The following GTF3C3 variants were observed in gnomAD, a reference collection of about 807,000 sequenced individuals.
GTF3C3 encodes general transcription factor IIIC subunit 3.
A neutral mutation model predicts 105.2 loss-of-function variants in GTF3C3; 75 were observed. The ratio of observed to expected loss-of-function variants is 0.71; its 90% CI spans 0.59 to 0.86. The LOEUF (loss-of-function observed/expected upper bound fraction) is 0.86, where lower values mean the gene tolerates loss of function less well. Among genes scored for constraint, GTF3C3 ranks in the 40% least tolerant of loss-of-function variants. The pLI is 0.00. For missense variants in GTF3C3, 856 were observed against 1,076.5 expected (o/e 0.80, Z 2.87); for synonymous variants, 335 against 370.4 (o/e 0.90, Z 1.10).
chr2:196,773,518 G>A (rs1350225614), intron 13 of GTF3C3, among the ~76,000 whole-genome samples: 3 of 152,114 alleles, frequency 2.0e-5, no homozygotes, highest in African/African-American at 7.2e-5. Flanking sequence ...AACCTTTTTG[G>A]CACCAAGGAC....
chr2:196,796,192 T>TG (rs1005185973), intron 2 of GTF3C3, among the ~76,000 whole-genome samples: 1 of 152,218 alleles, frequency 6.6e-6, no homozygotes, highest in African/African-American at 2.4e-5. Context: ...GGTAGAGTTC[T>TG]GGGACAATTC....
At chr2:196,795,922 G>A (rs1699634985) in intron 2 of GTF3C3, among the ~76,000 whole-genome samples, 1 of 152,198 alleles carries the variant, frequency 6.6e-6, no homozygotes, top group African/African-American at 2.4e-5. Flanking sequence ...GAATAATTTA[G>A]CAAGGTTGCT....
Position 196,785,520 on chromosome 2 carries a change from T to C in GTF3C3, c.962A>G (p.Gln321Arg). ...AACATCTTCCATGGAGACTAGGCCC[T>C]GGTGTTTTGAGAAAGCTTCATCAAT... is the stretch of plus-strand genomic sequence containing the variant. ...NIIDEAFSKH[Q>R]GLVSMEDVNI... is the part of the protein sequence containing the mutation. The change falls in exon 7 of 18, where the codon CAG (glutamine) becomes CGG (arginine). Residue 321 changes from glutamine (Q) to arginine (R), a missense_variant. Transcript: ENST00000263956. 6.2e-7 allele frequency: 1 copy of C among 1,605,962 alleles called. No individual in the cohort carries two copies. The highest frequency in any genetic ancestry group is 8.5e-7 in the Non-Finnish European group (1 of 1,173,048).
chr2:196,787,579 C>T (rs1423125259), intron 6 of GTF3C3, among the ~76,000 whole-genome samples: 1 of 152,114 alleles, frequency 6.6e-6, no homozygotes, highest in Non-Finnish European at 1.5e-5. Flanking sequence ...GTCAGTATGA[C>T]CATAATACAG....
rs1699439593 is a variant in GTF3C3, at chr2:196,785,490, A to G, written c.992T>C (p.Ile331Thr). The change falls in exon 7 of 18, where the codon ATA (isoleucine) becomes ACA (threonine). Residue 331 changes from isoleucine to threonine, a missense_variant. Physicochemically the swap from Ile to Thr is moderately conservative, Grantham distance 89. Around this residue, in one of 3 missense-constraint regions of GTF3C3, gnomAD observed 605 missense variants for 833.6 expected, o/e 0.73. Coordinates refer to ENST00000263956, the MANE Select transcript of GTF3C3 (RefSeq NM_012086.5). ...QGLVSMEDVN[I>T]AAELYISNKQ... Reference sequence around the variant, plus strand: ...GTTAGAAATATATAGTTCAGCTGCTATGTTAACATCTTCCATGGAGACTAG... The same window carrying G: ...GTTAGAAATATATAGTTCAGCTGCTGTGTTAACATCTTCCATGGAGACTAG... 3 of 1,610,436 alleles carry G rather than the reference A, an allele frequency of 1.9e-6. No homozygotes were observed. Among genetic ancestry groups the G allele is most frequent in the African/African-American group, 1.3e-5 (1 of 74,806 alleles).
intron 6 of GTF3C3, among the ~76,000 whole-genome samples, chr2:196,788,261 T>G (rs1699486321): frequency 6.6e-6 from 1 of 152,248 alleles, no homozygotes. Context: ...ATAAAGGCCA[T>G]GGAATTAATA....
chr2:196,786,239 G>A lies in GTF3C3; in HGVS notation c.894-651C>T, dbSNP rs80156140. 0.1 allele frequency among the ~76,000 whole-genome samples: 15,213 copies of A among 152,020 alleles called. 917 individuals carry two copies. Among genetic ancestry groups the A allele is most frequent in the Middle Eastern group, 0.17 (49 of 294 alleles). On this transcript the variant is annotated intron_variant, in intron 6 of 17. Transcript: ENST00000263956. The surrounding 1 kb of genome is among the most constrained non-coding windows in gnomAD (Gnocchi z 4.2). ...GGCTATCTTGTAAAAACGCATATTC[G>A]GATCCAGTAGAGCTGGGGCAGGCCT... is the stretch of plus-strand genomic sequence containing the variant.
chr2:196,779,122 A>C, intron 9 of GTF3C3, 55 bp from the exon 10 acceptor site: 1 of 1,325,364 alleles, frequency 7.5e-7, no homozygotes, highest in Non-Finnish European at 1.1e-6. Context: ...GTGCACATCT[A>C]TCTATAGCTT....
rs1576035414 is a variant in GTF3C3, at chr2:196,791,471, G to A, written c.412-11C>T. Reference sequence around the variant, plus strand: ...CCGAGGCCTTTTCTCCTGTATGGAAGAAAAATGACATTTAGATTAAAATAT... The same window carrying A: ...CCGAGGCCTTTTCTCCTGTATGGAAAAAAAATGACATTTAGATTAAAATAT... On this transcript the variant is annotated splice_polypyrimidine_tract_variant and intron_variant, in intron 3 of 17. Transcript: ENST00000263956. 3 of 1,603,360 alleles carry A rather than the reference G, an allele frequency of 1.9e-6. No individual in the cohort carries two copies. The highest frequency in any genetic ancestry group is 2.6e-6 in the Non-Finnish European group (3 of 1,173,776).
chr2:196,792,437 A>C (rs1037766684), intron 3 of GTF3C3, among the ~76,000 whole-genome samples: 5 of 152,296 alleles, frequency 3.3e-5, no homozygotes, highest in African/African-American at 1.2e-4. Flanking sequence ...CTGCCATTAC[A>C]GACATGAGCC....
rs561182247 is a variant in GTF3C3 at position 196,771,109 on chromosome 2, CTTCT to C, written c.2260+635_2260+638del. On this transcript the variant is annotated intron_variant, in intron 15 of 17. Coordinates refer to ENST00000263956, the MANE Select transcript of GTF3C3 (RefSeq NM_012086.5). ...TAGATGTTTTTCTACTTGTTTGCTT[CTTCT>C]TTAATTTTTTTTTAAAAGGAGACTC... is the stretch of plus-strand genomic sequence containing the variant. 6.0e-4 allele frequency among the ~76,000 whole-genome samples: 91 copies of C among 152,154 alleles called. No individual in the cohort carries two copies. The South Asian group carries it at 0.018, about 30-fold the overall frequency.
chr2:196,769,878 A>G lies in GTF3C3; in HGVS notation c.2385+37T>C, dbSNP rs777996798. 6 of 1,549,318 alleles carry G rather than the reference A, an allele frequency of 3.9e-6. No homozygotes were observed. In the South Asian group the frequency reaches 6.8e-5, roughly 18 times the overall value. On this transcript the variant is annotated intron_variant, in intron 16 of 17. Transcript: ENST00000263956. ...TATTAAGTATATTCATTTTTAAGAA[A>G]CATAAAATCAAGTAACGAGAAATTT...
At position 196,789,210 on chromosome 2, in the gene GTF3C3, A is replaced by C. The variant is rs1050467316; in HGVS notation, c.887T>G (p.Met296Arg). The stretch of plus-strand genomic sequence containing the variant: ...TGTTTCACTCCAAACTTACTTTGCC[A>C]TATCTCTAGCCAGCTGCATAAAACG... ...GERFMQLARD[M>R]AKSYYEANDV... Residue 296 changes from methionine to arginine, a missense_variant, in exon 6 of 18, where the codon ATG (methionine) becomes AGG (arginine). Coordinates refer to ENST00000263956, the MANE Select transcript of GTF3C3 (RefSeq NM_012086.5). 1 of 1,600,138 alleles carries C rather than the reference A, an allele frequency of 6.2e-7. No homozygotes were observed. Among genetic ancestry groups the C allele is most frequent in the African/African-American group, 1.3e-5 (1 of 74,366 alleles).
At chr2:196,768,023 A>G (rs543971380) in intron 16 of GTF3C3, among the ~76,000 whole-genome samples, 21 of 152,306 alleles carry the variant, frequency 1.4e-4, no homozygotes, top group Non-Finnish European at 2.2e-4. Flanking sequence ...CTATTGTTCT[A>G]TTCTGTTCTG....
rs368867791 is a variant in GTF3C3 at position 196,770,015 on chromosome 2, G to C, written c.2285C>G (p.Thr762Ser). The change falls in exon 16 of 18, where the codon ACT becomes AGT. Residue 762 changes from threonine (T) to serine (S), a missense_variant. Coordinates refer to ENST00000263956, the MANE Select transcript of GTF3C3 (RefSeq NM_012086.5). ...ALGQYVQAFR[T>S]HPDEPLYSFC... The stretch of plus-strand genomic sequence containing the variant: ...GCTATAGAGAGGTTCGTCAGGGTGA[G>C]TGCGAAAGGCTTGCACATACTGTCC... The C allele has an allele frequency of 3.8e-6, 6 of 1,567,552 alleles. No individual in the cohort carries two copies. The African/African-American group carries it at 8.4e-5, about 22-fold the overall frequency.
intron 5 of GTF3C3, 34 bp downstream of exon 5, chr2:196,789,845 T>G (rs753917631): frequency 1.5e-6 from 2 of 1,319,018 alleles, no homozygotes; most frequent in Non-Finnish European, 1.0e-6. Context: ...TGTAACAGCT[T>G]GTAAAAGTGA....
In GTF3C3 at chr2:196,778,982, C is replaced by T. The variant is rs749767190; in HGVS notation, c.1304G>A (p.Gly435Asp). The T allele has an allele frequency of 4.3e-6, 7 of 1,613,608 alleles. No homozygotes were observed. The Admixed American group carries it at 6.7e-5, about 15-fold the overall frequency. ...GAGGGGAAGTGCAGAATTATATTCA[C>T]CAACATCCAGAAAAGCTTCAGCAAC... ...LDVAEAFLDVGEYNSALPLLS... is the reference protein window; with the variant it reads ...LDVAEAFLDVDEYNSALPLLS... Residue 435 changes from glycine to aspartate, a missense_variant, in exon 10 of 18, where the codon GGT becomes GAT. Physicochemically the swap from Gly to Asp is moderately conservative, Grantham distance 94. Around this residue, in one of 3 missense-constraint regions of GTF3C3, gnomAD observed 605 missense variants for 833.6 expected, o/e 0.73. Coordinates refer to ENST00000263956, the MANE Select transcript of GTF3C3 (RefSeq NM_012086.5).
intron 8 of GTF3C3, among the ~76,000 whole-genome samples, chr2:196,781,355 AAAATATATATATAT>A (rs1350183694): frequency 3.5e-4 from 11 of 31,194 alleles, no homozygotes; most frequent in South Asian, 1.5e-3. Flanking sequence ...AAAAAAAAAA[AAAATATATATATAT>A]ATATATATAT....
At chr2:196,770,968 T>G (rs904591172) in intron 15 of GTF3C3, among the ~76,000 whole-genome samples, 2 of 152,200 alleles carry the variant, frequency 1.3e-5, no homozygotes, top group African/African-American at 2.4e-5. Flanking sequence ...CAAGGAATCA[T>G]GAACGTATCA....
Sources: allele counts gnomAD v4.1 joint callset (sites outside exome capture counted in the v4.1 genomes callset), GRCh38; gene constraint gnomAD v4.1.1; regional missense constraint gnomAD v4.1.1; non-coding constraint Gnocchi (gnomAD v3.1); transcripts MANE v1.5; gene names NCBI Gene and HGNC (gene_info 2026-07-23, HGNC 2026-07-21).